The following LARP4 variants were observed in gnomAD, a reference collection of about 807,000 sequenced individuals.
LARP4 encodes the protein La ribonucleoprotein 4, also known as la-related protein 4.
A neutral mutation model predicts 92.9 loss-of-function variants in LARP4; 29 were observed. That is an observed-to-expected ratio of 0.31 (90% confidence interval 0.23 to 0.43). The LOEUF (loss-of-function observed/expected upper bound fraction) is 0.43. LARP4 is among the 20% of genes least tolerant of loss of function. The pLI, the probability that LARP4 is intolerant of heterozygous loss-of-function variation, is 1.00. For missense variants in LARP4, 732 were observed against 860.0 expected, an observed-to-expected ratio of 0.85 and a Z score of 1.86; for synonymous variants, 279 against 284.1, an observed-to-expected ratio of 0.98 and a Z score of 0.18.
chr12:50,443,739 G>A (rs565092564), intron 8 of LARP4, among the ~76,000 whole-genome samples: 48 of 152,242 alleles, frequency 3.2e-4, no homozygotes, highest in African/African-American at 1.2e-3. Flanking sequence ...AGCCTCCGGC[G>A]TAGCTGGGGT....
intron 8 of LARP4, among the ~76,000 whole-genome samples, chr12:50,446,392 T>TCCCCCCC (rs1952115462): frequency 3.9e-4 from 2 of 5,160 alleles, no homozygotes; most frequent in Non-Finnish European, 5.5e-4. Context: ...TCTCTCTCTC[T>TCCCCCCC]CTCTCTCTCT....
rs1350052552 is a variant in LARP4, at chr12:50,477,413, T to C, written c.*1549T>C. ...AGAACTGTCCCATATGTTAGTAAAT[T>C]ACATATGTACAAATTGAAACTGTAA... is the stretch of plus-strand genomic sequence containing the variant. On this transcript the variant is annotated 3_prime_UTR_variant, in exon 16 of 16. Transcript: ENST00000398473. 1 of 152,600 alleles carries C rather than the reference T, an allele frequency of 6.6e-6. No homozygotes were observed. The highest frequency in any genetic ancestry group is 1.5e-5 in the Non-Finnish European group (1 of 68,004). The allele number at this position is 152,600 out of a possible 1,614,324, so 9.5% of individuals were successfully genotyped here. A position where few individuals can be genotyped will look rare whatever the true frequency, so the allele number is the denominator to read the frequency against.
At chr12:50,419,121 G>T (rs1189954496) in intron 1 of LARP4, among the ~76,000 whole-genome samples, 2 of 152,140 alleles carry the variant, frequency 1.3e-5, no homozygotes, top group African/African-American at 2.4e-5. Context: ...AGCACTTTGG[G>T]AGGCTGATGC....
At chr12:50,462,727 G>T in intron 12 of LARP4, 97 bp downstream of exon 12, 2 of 854,108 alleles carry the variant, frequency 2.3e-6, no homozygotes, top group South Asian at 1.6e-5. Flanking sequence ...TTGTTTTATT[G>T]ATTGTAGTCT....
At chr12:50,468,682 G>A (rs1956502594) in intron 13 of LARP4, among the ~76,000 whole-genome samples, 1 of 152,060 alleles carries the variant, frequency 6.6e-6, no homozygotes, top group Non-Finnish European at 1.5e-5. Context: ...TAAAGATTTA[G>A]CTTTCTTAAG....
rs1190874878 is a variant in LARP4, at chr12:50,430,568, A to G, written c.396A>G (p.Ser132=). 3 of 1,588,314 alleles carry G rather than the reference A, an allele frequency of 1.9e-6. No homozygotes were observed. Among genetic ancestry groups the G allele is most frequent in the Non-Finnish European group, 2.6e-6 (3 of 1,158,368 alleles). Residue 132 remains serine (S), a splice_region_variant and synonymous_variant, in exon 4 of 16, where the codon TCA becomes TCG. Coordinates refer to ENST00000398473, the MANE Select transcript of LARP4 (RefSeq NM_052879.5). ...AGAAACAATTAGAATTCTGTTTTTC[A>G]CGGTATTGCTGTTTCCCCTTTATTG... ...CLKKQLEFCF[S]RENLSKDLYL... is the part of the protein sequence containing the mutation.
intron 11 of LARP4, 28 bp from the exon 12 acceptor site, chr12:50,462,544 TCCACCCCACC>T (rs755787462): frequency 6.5e-6 from 5 of 774,054 alleles, no homozygotes; most frequent in South Asian, 1.5e-5. Context: ...GACTTGTCCC[TCCACCCCACC>T]CCACCCCCAC....
Position 50,479,330 on chromosome 12 carries a change from T to C in LARP4, c.*3466T>C, listed in dbSNP as rs1008937897. ...TAAAACTCAAAAGAGAACAGTGTAT[T>C]CCTTCTGAGGGGCTTTTATAAATTA... On this transcript the variant is annotated 3_prime_UTR_variant, in exon 16 of 16. Transcript: ENST00000398473. 1 of 152,530 alleles carries C rather than the reference T, an allele frequency of 6.6e-6. No individual in the cohort carries two copies. The highest frequency in any genetic ancestry group is 1.5e-5 in the Non-Finnish European group (1 of 68,028). The allele number at this position is 152,530 out of a possible 1,614,324, so 9.4% of individuals were successfully genotyped here.
intron 4 of LARP4, among the ~76,000 whole-genome samples, chr12:50,433,952 G>A (rs549532929): frequency 3.1e-4 from 47 of 152,258 alleles, no homozygotes; most frequent in African/African-American, 1.1e-3. Flanking sequence ...TATTTTAATA[G>A]AATGTAAAAG....
chr12:50,454,519 T>C (rs1953865428), intron 10 of LARP4, 102 bp downstream of exon 10: 3 of 865,714 alleles, frequency 3.5e-6, no homozygotes, highest in African/African-American at 3.4e-5. Flanking sequence ...TAAGGTTTGG[T>C]GGATTTTTTG....
At position 50,413,002 on chromosome 12, in the gene LARP4, T is replaced by G. The variant is rs1946169131; in HGVS notation, c.18+11974T>G. On this transcript the variant is annotated intron_variant, in intron 1 of 15. Transcript: ENST00000398473. ...CACTTTGGAGGCTGAGGCGGGCGGA[T>G]CACGAGGTCAGGAGTTTGAGAACAG... 2.0e-5 allele frequency among the ~76,000 whole-genome samples: 3 copies of G among 152,112 alleles called. No individual in the cohort carries two copies. The South Asian group carries it at 6.2e-4, about 32-fold the overall frequency.
At chr12:50,426,748 T>C (rs1366064852) in intron 1 of LARP4, among the ~76,000 whole-genome samples, 5 of 146,306 alleles carry the variant, frequency 3.4e-5, no homozygotes, top group East Asian at 4.0e-4. Context: ...TTTTTTTTTT[T>C]TTTCTTTTTT....
chr12:50,472,842 C>T (rs1248278257), intron 13 of LARP4, among the ~76,000 whole-genome samples: 7 of 147,630 alleles, frequency 4.7e-5, no homozygotes, highest in South Asian at 2.2e-4. Context: ...TTTTTTGGGA[C>T]GGAGTCTCGC....
chr12:50,435,999 T>A (rs56200358), intron 5 of LARP4, among the ~76,000 whole-genome samples: 126,108 of 150,852 alleles, frequency 0.84, 55,223 homozygotes, highest in East Asian at 0.98. Flanking sequence ...GGCTGGTCTT[T>A]GTTCTTTGGC....
intron 4 of LARP4, among the ~76,000 whole-genome samples, chr12:50,431,159 T>C (rs1949600529): frequency 6.6e-6 from 1 of 151,972 alleles, no homozygotes; most frequent in Non-Finnish European, 1.5e-5. Context: ...TCCCAGCTAC[T>C]TGGGAGGCTG....
At chr12:50,447,252 AC>A in intron 8 of LARP4, among the ~76,000 whole-genome samples, 1 of 152,332 alleles carries the variant, frequency 6.6e-6, no homozygotes, top group Non-Finnish European at 1.5e-5. Context: ...ATTCCTAAAT[AC>A]AAAAAAAGCT....
chr12:50,447,824 C>T (rs1952459029), intron 8 of LARP4, among the ~76,000 whole-genome samples: 1 of 152,146 alleles, frequency 6.6e-6, no homozygotes, highest in Admixed American at 6.5e-5. Context: ...GTTGTGATTA[C>T]AGGTGTCAGG....
intron 10 of LARP4, among the ~76,000 whole-genome samples, chr12:50,459,703 A>T (rs1427161982): frequency 6.6e-6 from 1 of 151,884 alleles, no homozygotes; most frequent in Non-Finnish European, 1.5e-5. Context: ...ACGTGCCTAT[A>T]GTCCCAGCTA....
chr12:50,448,130 G>T (rs1276354241), intron 8 of LARP4, among the ~76,000 whole-genome samples: 1 of 152,174 alleles, frequency 6.6e-6, no homozygotes, highest in African/African-American at 2.4e-5. Flanking sequence ...CTTCCAAAGT[G>T]CTGGGATTAC....
Sources: allele counts gnomAD v4.1 joint callset (sites outside exome capture counted in the v4.1 genomes callset), GRCh38; gene constraint gnomAD v4.1.1; transcripts MANE v1.5; gene names NCBI Gene and HGNC (gene_info 2026-07-23, HGNC 2026-07-21).